The following RALYL variants were observed in gnomAD, a reference collection of about 807,000 sequenced individuals.
RALYL encodes the protein RALY RNA binding protein like.
In RALYL, 29 loss-of-function variants were observed where a neutral mutation model predicts 35.1. The observed-to-expected ratio is 0.83, with a 90% CI of 0.61 to 1.13. RALYL has a LOEUF of 1.13. Among genes scored for constraint, RALYL ranks in the 50% most tolerant of loss-of-function variants. The pLI is 0.00. For missense variants in RALYL, 359 were observed against 360.4 expected, an observed-to-expected ratio of 1.00 and a Z score of 0.03; for synonymous variants, 120 against 127.6, an observed-to-expected ratio of 0.94 and a Z score of 0.40.
intron 1 of RALYL, among the ~76,000 whole-genome samples, chr8:84,237,579 CAACAATAAAATTCA>C (rs1826870948): frequency 6.6e-6 from 1 of 151,970 alleles, no homozygotes; most frequent in South Asian, 2.1e-4. Context: ...TTGACAACAA[CAACAATAAAATTCA>C]AATTCTTCTT....
intron 1 of RALYL, among the ~76,000 whole-genome samples, chr8:84,324,206 G>T (rs996606672): frequency 9.9e-5 from 15 of 151,922 alleles, no homozygotes; most frequent in Admixed American, 3.9e-4. Flanking sequence ...TAAATAGACT[G>T]GTTATTTGAC....
intron 2 of RALYL, among the ~76,000 whole-genome samples, chr8:84,530,737 C>T (rs1588017616): frequency 6.6e-6 from 1 of 152,198 alleles, no homozygotes; most frequent in East Asian, 1.9e-4. Flanking sequence ...ACCTCTAATG[C>T]CTTTCTCATA....
chr8:84,523,533 A>G (rs2058639440), intron 1 of RALYL, among the ~76,000 whole-genome samples: 1 of 151,138 alleles, frequency 6.6e-6, no homozygotes, highest in African/African-American at 2.4e-5. Context: ...TTTTTATTAT[A>G]CTTTAAGTTT....
chr8:84,389,705 C>G lies in RALYL; in HGVS notation c.-23-139594C>G, dbSNP rs367629769. Among the ~76,000 whole-genome samples, 23 of 150,648 alleles carry G rather than the reference C, an allele frequency of 1.5e-4. No individual in the cohort carries two copies. The East Asian group carries it at 3.1e-3, about 20-fold the overall frequency. On this transcript the variant is annotated intron_variant, in intron 1 of 8. Coordinates refer to ENST00000521268, the MANE Select transcript of RALYL (RefSeq NM_173848.7). ...TGTACATTGATTTTGTATCCTGAGA[C>G]TTTGCTGAAGTTGCTTATCAGCTTA... is the stretch of plus-strand genomic sequence containing the variant.
At chr8:84,772,736 A>G (rs1422804457) in intron 2 of RALYL, among the ~76,000 whole-genome samples, 3 of 152,102 alleles carry the variant, frequency 2.0e-5, no homozygotes, top group Non-Finnish European at 4.4e-5. Context: ...ATGCTTTACA[A>G]TTTTTTACAT....
chr8:84,469,057 T>C (rs186384847), intron 1 of RALYL, among the ~76,000 whole-genome samples: 5,944 of 152,156 alleles, frequency 0.039, 230 homozygotes, highest in African/African-American at 0.098. Flanking sequence ...AAATTTTTTT[T>C]CAAAGTTTTC....
At chr8:84,836,324 T>G (rs1295271414) in intron 4 of RALYL, among the ~76,000 whole-genome samples, 1 of 152,172 alleles carries the variant, frequency 6.6e-6, no homozygotes, top group Non-Finnish European at 1.5e-5. Context: ...TTAAGTTAGG[T>G]GGATTATTTT....
chr8:84,594,087 C>T (rs899250817), intron 2 of RALYL, among the ~76,000 whole-genome samples: 5 of 152,102 alleles, frequency 3.3e-5, no homozygotes, highest in East Asian at 1.9e-4. Context: ...ATTTAGCCTC[C>T]TTTACCTGCA....
chr8:84,437,107 A>G (rs948417101), intron 1 of RALYL, among the ~76,000 whole-genome samples: 1 of 152,060 alleles, frequency 6.6e-6, no homozygotes, highest in African/African-American at 2.4e-5. Flanking sequence ...CTTACTTGTA[A>G]ATGAGAACAT....
intron 2 of RALYL, among the ~76,000 whole-genome samples, chr8:84,649,623 C>A (rs1041818766): frequency 1.3e-5 from 2 of 152,026 alleles, no homozygotes; most frequent in African/African-American, 4.8e-5. Flanking sequence ...GGGCTCTGTT[C>A]TGTTCCATTG....
At chr8:84,745,088 C>G (rs915940672) in intron 2 of RALYL, among the ~76,000 whole-genome samples, 5 of 151,558 alleles carry the variant, frequency 3.3e-5, no homozygotes, top group African/African-American at 1.2e-4. Context: ...CACACACAGA[C>G]ATACACACAC....
rs1418817349 is a variant in RALYL, at chr8:84,485,033, C to A, written c.-23-44266C>A. On this transcript the variant is annotated intron_variant, in intron 1 of 8. Coordinates refer to ENST00000521268, the MANE Select transcript of RALYL (RefSeq NM_173848.7). ...AGTGGCTTCCCCTACGGTACTTATA[C>A]TTTAATGGATGTCCTCTTACCTCTC... 5.3e-5 allele frequency among the ~76,000 whole-genome samples: 8 copies of A among 152,232 alleles called. No individual in the cohort carries two copies. In the South Asian group the frequency reaches 8.3e-4, roughly 16 times the overall value.
intron 1 of RALYL, among the ~76,000 whole-genome samples, chr8:84,390,460 T>C (rs1435368084): frequency 3.9e-5 from 6 of 152,122 alleles, no homozygotes; most frequent in African/African-American, 7.2e-5. Flanking sequence ...CGGCTGTGAA[T>C]CCATCTGGTC....
At chr8:84,844,233 AAT>A (rs1834088461) in intron 4 of RALYL, among the ~76,000 whole-genome samples, 3 of 152,366 alleles carry the variant, frequency 2.0e-5, no homozygotes, top group African/African-American at 7.2e-5. Flanking sequence ...ATAAAGGGTT[AAT>A]ATCCAGAATC....
rs190481920 is a variant in RALYL at position 84,870,027 on chromosome 8, T to C, written c.572-3257T>C. Among the ~76,000 whole-genome samples the C allele has an allele frequency of 6.2e-4, 94 of 152,292 alleles. No individual in the cohort carries two copies. The East Asian group carries it at 0.013, about 21-fold the overall frequency. ...TGTGACTTATTTTTAAAAACAAAGA[T>C]ACTACAGTGATAGTGATGCAACCTG... On this transcript the variant is annotated intron_variant, in intron 6 of 8. Transcript: ENST00000521268.
intron 5 of RALYL, among the ~76,000 whole-genome samples, chr8:84,859,290 G>A (rs1043538574): frequency 6.6e-6 from 1 of 152,114 alleles, no homozygotes; most frequent in Non-Finnish European, 1.5e-5. Flanking sequence ...AAAGGTGGCA[G>A]GATGAGGAGG....
At chr8:84,920,405 T>C (rs1157619764) in intron 8 of RALYL, among the ~76,000 whole-genome samples, 1 of 152,124 alleles carries the variant, frequency 6.6e-6, no homozygotes, top group African/African-American at 2.4e-5. Context: ...TCTGATTTTC[T>C]TCTTTTGCAA....
intron 1 of RALYL, among the ~76,000 whole-genome samples, chr8:84,233,141 C>A (rs1463358222): frequency 6.6e-6 from 1 of 151,066 alleles, no homozygotes; most frequent in Non-Finnish European, 1.5e-5. Context: ...CACCACCACA[C>A]CCAAATAATT....
chr8:84,237,400 G>T (rs961489962), intron 1 of RALYL, among the ~76,000 whole-genome samples: 2 of 152,146 alleles, frequency 1.3e-5, no homozygotes, highest in Non-Finnish European at 2.9e-5. Flanking sequence ...CTGCCTCAGC[G>T]GGAGATTCTC....
Sources: gnomAD v4.1 joint callset for allele counts (sites outside exome capture counted in the v4.1 genomes callset) on GRCh38, gnomAD v4.1.1 for gene constraint, MANE v1.5 for transcripts, NCBI Gene and HGNC (gene_info 2026-07-23, HGNC 2026-07-21) for gene names.